Variants in PYGL observed in about 807,000 individuals in gnomAD.
PYGL encodes glycogen phosphorylase, liver form.
In PYGL, 90 loss-of-function variants were observed where a neutral mutation model predicts 100.1. The observed-to-expected ratio is 0.90, with a 90% CI of 0.76 to 1.07. The LOEUF (loss-of-function observed/expected upper bound fraction) is 1.07. Ranked by LOEUF, PYGL falls within the 50% of genes least tolerant of loss-of-function variation. The pLI is 0.00. For synonymous variants in PYGL, 373 were observed against 393.0 expected, an observed-to-expected ratio of 0.95 and a Z score of 0.60; for missense variants, 1,016 against 1,057.6, an observed-to-expected ratio of 0.96 and a Z score of 0.55.
chr14:50,921,256 C>T (rs945355678), intron 5 of PYGL, 189 bp from the exon 6 acceptor site: 10 of 592,578 alleles, frequency 1.7e-5, no homozygotes, highest in African/African-American at 7.4e-5. Context: ...GGTTCCTCCC[C>T]GACCTGGTAC....
intron 4 of PYGL, among the ~76,000 whole-genome samples, chr14:50,927,988 G>A (rs529816641): frequency 7.9e-5 from 12 of 152,288 alleles, no homozygotes; most frequent in African/African-American, 2.2e-4. Flanking sequence ...GGGGGCCAAG[G>A]TGGGAGAACT....
chr14:50,938,967 T>C (rs1566514992), intron 1 of PYGL, among the ~76,000 whole-genome samples: 2 of 152,212 alleles, frequency 1.3e-5, no homozygotes, highest in Non-Finnish European at 2.9e-5. Flanking sequence ...ACACACCGCA[T>C]GGGTAGAAAA....
intron 3 of PYGL, among the ~76,000 whole-genome samples, chr14:50,933,275 C>T (rs1596048981): frequency 6.6e-6 from 1 of 152,316 alleles, no homozygotes; most frequent in East Asian, 1.9e-4. Context: ...CCATAGAAAG[C>T]CTACTAAATT....
rs2139182638 is a variant in PYGL, at chr14:50,923,993, G to A, written c.636C>T (p.Thr212=). The A allele has an allele frequency of 5.0e-6, 8 of 1,613,842 alleles. No homozygotes were observed. The East Asian group carries it at 8.9e-5, about 18-fold the overall frequency. Residue 212 remains threonine, a synonymous_variant, in exon 5 of 20, where the codon ACC becomes ACT. Coordinates refer to ENST00000216392, the MANE Select transcript of PYGL (RefSeq NM_002863.5). ...HFYGKVEHTN[T]GTKWIDTQVV... is the part of the protein sequence containing the mutation. ...CTTGAGTGTCAATCCACTTGGTCCCGGTGTTGGTGTGTTCTACTTTTCCAT... is the reference window on the plus strand; with the variant it reads ...CTTGAGTGTCAATCCACTTGGTCCCAGTGTTGGTGTGTTCTACTTTTCCAT...
chr14:50,915,572 C>T (rs907323299), intron 10 of PYGL, 73 bp from the exon 11 acceptor site: 298 of 1,579,244 alleles, frequency 1.9e-4, no homozygotes, highest in Non-Finnish European at 1.0e-4. Context: ...CTGTTCATGT[C>T]TTAAGCAAAA....
intron 4 of PYGL, among the ~76,000 whole-genome samples, chr14:50,931,169 T>A (rs891223623): frequency 6.6e-6 from 1 of 152,210 alleles, no homozygotes; most frequent in African/African-American, 2.4e-5. Context: ...GAGTGTAGAA[T>A]AGAATACTGA....
chr14:50,916,829 CCTT>C, intron 8 of PYGL, 95 bp from the exon 9 acceptor site: 2 of 1,543,254 alleles, frequency 1.3e-6, no homozygotes, highest in Non-Finnish European at 9.0e-7. Flanking sequence ...GATATGCCCA[CCTT>C]CTATGAAAGA....
At chr14:50,918,855 T>C (rs1161381128) in intron 7 of PYGL, among the ~76,000 whole-genome samples, 1 of 152,198 alleles carries the variant, frequency 6.6e-6, no homozygotes, top group Non-Finnish European at 1.5e-5. Flanking sequence ...GACCAGAGTC[T>C]TATTAAAACT....
chr14:50,915,199 G>GT, intron 11 of PYGL, 137 bp downstream of exon 11: 1 of 1,051,680 alleles, frequency 9.5e-7, no homozygotes, highest in African/African-American at 1.6e-5. Flanking sequence ...TTAGGCAAGA[G>GT]TTTTTTGTAT....
At chr14:50,937,372 T>C (rs905934489) in intron 2 of PYGL, among the ~76,000 whole-genome samples, 5 of 152,116 alleles carry the variant, frequency 3.3e-5, no homozygotes, top group Non-Finnish European at 7.4e-5. Context: ...TGATCATTTC[T>C]TAAAAATGAG....
chr14:50,915,648 C>T, intron 10 of PYGL, 149 bp from the exon 11 acceptor site: 1 of 1,352,566 alleles, frequency 7.4e-7, no homozygotes, highest in Non-Finnish European at 1.0e-6. Context: ...TATGGAGGTG[C>T]CATCCCTCCA....
At chr14:50,940,653 A>G (rs2050694962) in intron 1 of PYGL, among the ~76,000 whole-genome samples, 1 of 152,190 alleles carries the variant, frequency 6.6e-6, no homozygotes, top group Admixed American at 6.5e-5. Context: ...GTCTCTAAAT[A>G]TTTGTTACAT....
chr14:50,917,122 T>C lies in PYGL; in HGVS notation c.856-17A>G, dbSNP rs1350072685. 3.1e-6 allele frequency: 5 copies of C among 1,612,398 alleles called. No homozygotes were observed. The highest frequency in any genetic ancestry group is 3.3e-5 in the Admixed American group (2 of 60,012). ...TTCAAAAAACTTCAAGCCAGAGAGATAGAATAAAAATGGTTCATATTGTAG... is the reference window on the plus strand; with the variant it reads ...TTCAAAAAACTTCAAGCCAGAGAGACAGAATAAAAATGGTTCATATTGTAG... On this transcript the variant is annotated splice_polypyrimidine_tract_variant and intron_variant, in intron 7 of 19. Coordinates refer to ENST00000216392, the MANE Select transcript of PYGL (RefSeq NM_002863.5).
intron 4 of PYGL, among the ~76,000 whole-genome samples, chr14:50,926,534 T>C (rs2050549116): frequency 6.6e-6 from 1 of 151,478 alleles, no homozygotes; most frequent in Non-Finnish European, 1.5e-5. Context: ...GAGACCAGCC[T>C]GGCCAACATG....
chr14:50,911,955 C>A (rs760867240), intron 15 of PYGL, 23 bp downstream of exon 15: 2 of 1,612,898 alleles, frequency 1.2e-6, no homozygotes, highest in Non-Finnish European at 1.7e-6. Flanking sequence ...CCCTCAAGTC[C>A]CCATTGAATA....
intron 7 of PYGL, among the ~76,000 whole-genome samples, chr14:50,919,995 T>A (rs1596039826): frequency 1.3e-5 from 2 of 152,202 alleles, no homozygotes; most frequent in Middle Eastern, 3.4e-3. Context: ...CAAGTGTTTT[T>A]TTTTTTTAAC....
intron 7 of PYGL, 23 bp downstream of exon 7, chr14:50,920,518 A>C (rs371698931): frequency 3.1e-6 from 5 of 1,587,528 alleles, no homozygotes; most frequent in Non-Finnish European, 4.3e-6. Context: ...GTTGCCACTA[A>C]GAAAGCAACC....
intron 4 of PYGL, among the ~76,000 whole-genome samples, chr14:50,927,968 G>C (rs1011112774): frequency 6.6e-6 from 1 of 152,142 alleles, no homozygotes; most frequent in South Asian, 2.1e-4. Context: ...CATATGAAGG[G>C]GTAGGGGTGG....
Position 50,912,014 on chromosome 14 carries a change from C to A in PYGL, c.1791G>T (p.Lys597Asn). 6.2e-7 allele frequency: 1 copy of A among 1,613,978 alleles called. No homozygotes were observed. Among genetic ancestry groups the A allele is most frequent in the South Asian group, 1.1e-5 (1 of 91,080 alleles). Residue 597 changes from lysine (K) to asparagine (N), a missense_variant, in exon 15 of 20, where the codon AAG becomes AAT. Coordinates refer to ENST00000216392, the MANE Select transcript of PYGL (RefSeq NM_002863.5). ...TGATAACTGTCCTTGGCACGAATAA[C>A]TTCTTAGGGTCTTTCTTAATGCCTG... ...MYNRIKKDPK[K>N]LFVPRTVIIG...
Sources: allele counts gnomAD v4.1 joint callset (sites outside exome capture counted in the v4.1 genomes callset), GRCh38; gene constraint gnomAD v4.1.1; transcripts MANE v1.5; gene names NCBI Gene and HGNC (gene_info 2026-07-23, HGNC 2026-07-21).